The following HS6ST3 variants were observed in gnomAD, a reference collection of about 807,000 sequenced individuals.
HS6ST3 encodes the protein heparan sulfate 6-O-sulfotransferase 3.
A neutral mutation model predicts 36.7 loss-of-function variants in HS6ST3; 12 were observed. That is an observed-to-expected ratio of 0.33 (90% CI 0.21 to 0.53). The LOEUF is 0.53. Ranked by LOEUF, HS6ST3 falls within the 20% of genes least tolerant of loss-of-function variation. The pLI is 0.95. For synonymous variants in HS6ST3, 240 were observed against 257.5 expected, an observed-to-expected ratio of 0.93 and a Z score of 0.65; for missense variants, 584 against 640.9, an observed-to-expected ratio of 0.91 and a Z score of 0.96.
At chr13:96,189,182 A>G (rs989318801) in intron 1 of HS6ST3, among the ~76,000 whole-genome samples, 2 of 152,136 alleles carry the variant, frequency 1.3e-5, no homozygotes, top group African/African-American at 4.8e-5. Context: ...TTTAATTTTA[A>G]TGCTCTTTTT....
At chr13:96,785,251 T>C (rs1877620861) in intron 1 of HS6ST3, among the ~76,000 whole-genome samples, 2 of 152,194 alleles carry the variant, frequency 1.3e-5, no homozygotes, top group Non-Finnish European at 2.9e-5. Flanking sequence ...ACAGAGGCAG[T>C]CTGCTAGAGA....
At chr13:96,147,805 G>A (rs1265965148) in intron 1 of HS6ST3, among the ~76,000 whole-genome samples, 1 of 152,150 alleles carries the variant, frequency 6.6e-6, no homozygotes, top group Non-Finnish European at 1.5e-5. Flanking sequence ...ATGAATGAAT[G>A]AATACAAATG....
At chr13:96,676,572 A>G (rs1006054598) in intron 1 of HS6ST3, among the ~76,000 whole-genome samples, 2 of 152,180 alleles carry the variant, frequency 1.3e-5, no homozygotes, top group African/African-American at 4.8e-5. Context: ...GGCTCAGTAT[A>G]TTTCCCAAAT....
intron 1 of HS6ST3, among the ~76,000 whole-genome samples, chr13:96,812,339 C>A (rs796220708): frequency 1.3e-5 from 2 of 152,262 alleles, no homozygotes; most frequent in African/African-American, 2.4e-5. Flanking sequence ...TTTCTTGAAG[C>A]CTTTTTTTCC....
At chr13:96,271,040 A>G (rs978231144) in intron 1 of HS6ST3, among the ~76,000 whole-genome samples, 1 of 151,904 alleles carries the variant, frequency 6.6e-6, no homozygotes, top group Non-Finnish European at 1.5e-5. Flanking sequence ...GGTTTCTGGT[A>G]CTTATCACAG....
rs151221788 is a variant in HS6ST3, at chr13:96,299,548, A to C, written c.707+207979A>C. ...AACAATGGAACAGAGTGGGAAAAGC[A>C]CAATAGCATGAGAGAACATGCAATG... On this transcript the variant is annotated intron_variant, in intron 1 of 1. Transcript: ENST00000376705. 2.6e-4 allele frequency among the ~76,000 whole-genome samples: 39 copies of C among 152,312 alleles called. No homozygotes were observed. In the East Asian group the frequency reaches 5.2e-3, roughly 20 times the overall value.
At chr13:96,740,671 C>T (rs1335550001) in intron 1 of HS6ST3, among the ~76,000 whole-genome samples, 1 of 152,134 alleles carries the variant, frequency 6.6e-6, no homozygotes, top group Non-Finnish European at 1.5e-5. Context: ...TGGTGATATT[C>T]TCCATCACTG....
At chr13:96,365,338 A>G (rs1335649802) in intron 1 of HS6ST3, among the ~76,000 whole-genome samples, 1 of 152,138 alleles carries the variant, frequency 6.6e-6, no homozygotes, top group African/African-American at 2.4e-5. Flanking sequence ...CTAAAAGCAT[A>G]TGTTTTGTGT....
intron 1 of HS6ST3, among the ~76,000 whole-genome samples, chr13:96,727,199 A>C (rs2138473626): frequency 6.6e-6 from 1 of 152,294 alleles, no homozygotes; most frequent in African/African-American, 2.4e-5. Flanking sequence ...CAAGCATAAA[A>C]GATCTTGAGG....
chr13:96,178,387 G>A (rs2054222416), intron 1 of HS6ST3, among the ~76,000 whole-genome samples: 1 of 152,090 alleles, frequency 6.6e-6, no homozygotes, highest in Non-Finnish European at 1.5e-5. Context: ...ACTTTAAACT[G>A]GCCAACTTCA....
chr13:96,784,052 C>T lies in HS6ST3; in HGVS notation c.708-48438C>T, dbSNP rs185451357. Among the ~76,000 whole-genome samples the T allele has an allele frequency of 2.4e-3, 367 of 150,284 alleles. 3 individuals are homozygous for T. Among genetic ancestry groups the T allele is most frequent in the African/African-American group, 8.6e-3 (349 of 40,796 alleles). On this transcript the variant is annotated intron_variant, in intron 1 of 1. Transcript: ENST00000376705. ...CCAGCTGTAGCTCTTTGATTCATCA[C>T]TATTGGGAGATTGGTGGCTGAGGCT...
At chr13:96,493,385 CGT>C (rs1028017222) in intron 1 of HS6ST3, among the ~76,000 whole-genome samples, 9 of 152,040 alleles carry the variant, frequency 5.9e-5, no homozygotes, top group Admixed American at 2.0e-4. Flanking sequence ...GCCAATAGAG[CGT>C]TTTGCTACAC....
At chr13:96,093,200 T>C (rs2053773541) in intron 1 of HS6ST3, among the ~76,000 whole-genome samples, 1 of 152,182 alleles carries the variant, frequency 6.6e-6, no homozygotes, top group Admixed American at 6.5e-5. Flanking sequence ...CATAGAAATG[T>C]CTGATTACTC....
In HS6ST3 at chr13:96,785,096, G is replaced by T. The variant is rs1304115005; in HGVS notation, c.708-47394G>T. ...AGGTGGGAGAATCCCTTGAACCTGG[G>T]AGGCAGAGGTTGTAGTGAACTGAGA... On this transcript the variant is annotated intron_variant, in intron 1 of 1. Transcript: ENST00000376705. Among the ~76,000 whole-genome samples the T allele has an allele frequency of 2.6e-5, 4 of 152,240 alleles. No individual in the cohort carries two copies. The East Asian group carries it at 7.8e-4, about 30-fold the overall frequency.
At chr13:96,251,965 A>G (rs976277955) in intron 1 of HS6ST3, among the ~76,000 whole-genome samples, 1 of 152,166 alleles carries the variant, frequency 6.6e-6, no homozygotes, top group African/African-American at 2.4e-5. Flanking sequence ...ACTGGTTTTT[A>G]GTATATAATC....
intron 1 of HS6ST3, among the ~76,000 whole-genome samples, chr13:96,754,274 CTCTAA>C (rs1389864753): frequency 6.6e-6 from 1 of 152,004 alleles, no homozygotes; most frequent in Non-Finnish European, 1.5e-5. Flanking sequence ...ATTTTTTCTC[CTCTAA>C]TCTATTAACA....
intron 1 of HS6ST3, among the ~76,000 whole-genome samples, chr13:96,731,846 G>A (rs938428809): frequency 1.3e-5 from 2 of 151,762 alleles, no homozygotes; most frequent in African/African-American, 4.8e-5. Flanking sequence ...TTTAGAGACA[G>A]GGTCTCGCTA....
chr13:96,131,497 G>A (rs971745535), intron 1 of HS6ST3, among the ~76,000 whole-genome samples: 1 of 152,126 alleles, frequency 6.6e-6, no homozygotes, highest in Non-Finnish European at 1.5e-5. Context: ...GTTGTGGAAT[G>A]ACTAAATAAA....
intron 1 of HS6ST3, among the ~76,000 whole-genome samples, chr13:96,783,366 A>T (rs1049930162): frequency 5.3e-5 from 8 of 151,970 alleles, no homozygotes; most frequent in Non-Finnish European, 1.2e-4. Flanking sequence ...GGCTGGCTGA[A>T]TTTTTTTTAT....
Sources: allele counts gnomAD v4.1 joint callset (sites outside exome capture counted in the v4.1 genomes callset), GRCh38; gene constraint gnomAD v4.1.1; transcripts MANE v1.5; gene names NCBI Gene and HGNC (gene_info 2026-07-23, HGNC 2026-07-21).